Variants in CNTN5 observed in about 807,000 individuals in gnomAD.
CNTN5 encodes the protein contactin-5.
A neutral mutation model predicts 129.1 loss-of-function variants in CNTN5; 77 were observed. The ratio of observed to expected loss-of-function variants is 0.60; its 90% CI spans 0.50 to 0.72. The LOEUF is 0.72. Among genes scored for constraint, CNTN5 ranks in the 30% least tolerant of loss-of-function variants. The pLI is 0.00. For missense variants in CNTN5, 1,478 were observed against 1,328.8 expected (o/e 1.11, Z -1.75); for synonymous variants, 509 against 465.6 (o/e 1.09, Z -1.20).
chr11:99,248,542 C>G (rs972668174), intron 1 of CNTN5, among the ~76,000 whole-genome samples: 32 of 152,118 alleles, frequency 2.1e-4, no homozygotes, highest in African/African-American at 7.5e-4. Flanking sequence ...TTGCCCATGC[C>G]TATGTCCTGA....
chr11:100,060,948 T>G (rs1279598745), intron 9 of CNTN5, among the ~76,000 whole-genome samples: 1 of 117,082 alleles, frequency 8.5e-6, no homozygotes, highest in African/African-American at 3.4e-5. Context: ...GCTAACAATG[T>G]TTTTAAAAAT....
intron 13 of CNTN5, among the ~76,000 whole-genome samples, chr11:100,112,515 A>G (rs979703973): frequency 6.6e-5 from 10 of 152,150 alleles, no homozygotes; most frequent in African/African-American, 2.4e-4. Context: ...AGTTCCTTAT[A>G]AATTAGTCTG....
intron 3 of CNTN5, among the ~76,000 whole-genome samples, chr11:99,792,538 G>GGTGTGTGTGTGTGT (rs111267307): frequency 2.5e-4 from 32 of 127,820 alleles, no homozygotes; most frequent in Middle Eastern, 4.1e-3. Context: ...CCTGAAGAGG[G>GGTGTGTGTGTGTGT]GTGTGTGTGT....
chr11:99,025,704 A>G (rs1233114730), intron 1 of CNTN5, among the ~76,000 whole-genome samples: 1 of 151,766 alleles, frequency 6.6e-6, no homozygotes, highest in Non-Finnish European at 1.5e-5. Flanking sequence ...AACCAGGTCT[A>G]TTAATGTATT....
intron 3 of CNTN5, among the ~76,000 whole-genome samples, chr11:99,756,692 T>C (rs1305795119): frequency 2.6e-5 from 4 of 152,082 alleles, no homozygotes; most frequent in Non-Finnish European, 5.9e-5. Flanking sequence ...ATTTAAACTT[T>C]ACAATTTTGC....
intron 2 of CNTN5, among the ~76,000 whole-genome samples, chr11:99,497,357 C>G (rs961265002): frequency 6.6e-6 from 1 of 151,734 alleles, no homozygotes. Context: ...TGAGAACAGA[C>G]AAGGGAACAC....
In CNTN5 at chr11:99,753,119, C is replaced by CTTTTTTTTTTTTT. The variant is rs375324214; in HGVS notation, c.56-66416_56-66404dup. On this transcript the variant is annotated intron_variant, in intron 3 of 24. Coordinates refer to ENST00000524871, the MANE Select transcript of CNTN5 (RefSeq NM_014361.4). Reference sequence around the variant, plus strand: ...TTTATAACATTTTAAGCCATATTTGCTTTTTTTTTTTTTTTTTTTTTGAGA... The same window carrying CTTTTTTTTTTTTT: ...TTTATAACATTTTAAGCCATATTTGCTTTTTTTTTTTTTTTTTTTTTTTTTTTTTTTTTTGAGA... Among the ~76,000 whole-genome samples, 48 of 93,078 alleles carry CTTTTTTTTTTTTT rather than the reference C, an allele frequency of 5.2e-4. 2 individuals carry two copies. The highest frequency in any genetic ancestry group is 2.2e-3 in the East Asian group (6 of 2,692). The allele number at this position is 93,078 out of a possible 152,430, so 61.1% of individuals were successfully genotyped here.
chr11:99,787,953 T>A (rs1945595209), intron 3 of CNTN5, among the ~76,000 whole-genome samples: 1 of 151,968 alleles, frequency 6.6e-6, no homozygotes, highest in South Asian at 2.1e-4. Context: ...TATAATGCCA[T>A]TATAATTTCA....
intron 3 of CNTN5, among the ~76,000 whole-genome samples, chr11:99,689,077 G>T (rs1160867638): frequency 1.3e-5 from 2 of 152,062 alleles, no homozygotes; most frequent in Non-Finnish European, 2.9e-5. Context: ...ACACATGCAT[G>T]CATCTTTATA....
At chr11:100,339,695 A>G (rs13377477) in intron 21 of CNTN5, among the ~76,000 whole-genome samples, 43,600 of 152,016 alleles carry the variant, frequency 0.29, 6,580 homozygotes, top group Non-Finnish European at 0.31. Flanking sequence ...TCCTCTATCA[A>G]CAGTAAGGAA....
rs1164849935 is a variant in CNTN5, at chr11:100,002,043, G to A, written c.887G>A (p.Gly296Glu). Reference protein sequence around the residue: ...PLTLRNDGVMGEYEPKIEVHF... With the variant: ...PLTLRNDGVMEEYEPKIEVHF... ...ATTCTTTCTTTCTAAGGTGTGATGGGAGAATATGAGCCGAAAATTGAGGTC... is the reference window on the plus strand; with the variant it reads ...ATTCTTTCTTTCTAAGGTGTGATGGAAGAATATGAGCCGAAAATTGAGGTC... Residue 296 changes from glycine to glutamate, a missense_variant, in exon 9 of 25, where the codon GGA (glycine) becomes GAA (glutamate). Physicochemically the swap from Gly to Glu is moderately conservative, Grantham distance 98. Coordinates refer to ENST00000524871, the MANE Select transcript of CNTN5 (RefSeq NM_014361.4). 2.5e-6 allele frequency: 4 copies of A among 1,590,832 alleles called. No individual in the cohort carries two copies. Among genetic ancestry groups the A allele is most frequent in the Admixed American group, 3.7e-5 (2 of 54,610 alleles).
chr11:99,882,021 A>C (rs1305047284), intron 6 of CNTN5, among the ~76,000 whole-genome samples: 2 of 152,200 alleles, frequency 1.3e-5, no homozygotes, highest in African/African-American at 4.8e-5. Flanking sequence ...AAGCTCAGAT[A>C]GTGTAGTTTA....
At chr11:100,009,620 T>C (rs770566) in intron 9 of CNTN5, among the ~76,000 whole-genome samples, 39,286 of 151,950 alleles carry the variant, frequency 0.26, 5,946 homozygotes, top group South Asian at 0.34. Flanking sequence ...TTGGGTGTAA[T>C]GTAGAAGTTC....
Position 99,350,128 on chromosome 11 carries a change from AAC to A in CNTN5, c.-71+24647_-71+24648del, listed in dbSNP as rs757348825. 3.8e-4 allele frequency among the ~76,000 whole-genome samples: 58 copies of A among 152,286 alleles called. 1 individual carries two copies. Among genetic ancestry groups the A allele is most frequent in the South Asian group, 1.7e-3 (8 of 4,826 alleles). On this transcript the variant is annotated intron_variant, in intron 2 of 24. Coordinates refer to ENST00000524871, the MANE Select transcript of CNTN5 (RefSeq NM_014361.4). ...AGTTATAATTAGGAGTTTTATTTTT[AAC>A]ACTAAAACACCTTTAACTACAATGT...
intron 24 of CNTN5, among the ~76,000 whole-genome samples, chr11:100,354,038 T>G (rs1565447551): frequency 6.6e-6 from 1 of 151,504 alleles, no homozygotes. Context: ...TTAAGAGAGA[T>G]AATACACGAG....
At chr11:99,408,203 T>A (rs527298977) in intron 2 of CNTN5, among the ~76,000 whole-genome samples, 11 of 151,588 alleles carry the variant, frequency 7.3e-5, no homozygotes, top group Admixed American at 5.3e-4. Context: ...GCTTCTTTTT[T>A]AAAAAGTATC....
At chr11:100,354,237 T>C (rs780388589) in intron 24 of CNTN5, among the ~76,000 whole-genome samples, 5 of 151,660 alleles carry the variant, frequency 3.3e-5, no homozygotes, top group Non-Finnish European at 7.4e-5. Context: ...ATTTATTAAA[T>C]AATCAATTAT....
intron 6 of CNTN5, among the ~76,000 whole-genome samples, chr11:99,879,298 A>G (rs1408887529): frequency 1.3e-5 from 2 of 152,184 alleles, no homozygotes; most frequent in African/African-American, 4.8e-5. Context: ...ATCAAAGAGT[A>G]AGGGAAGCCT....
At chr11:100,246,445 T>TC (rs1949842856) in intron 16 of CNTN5, among the ~76,000 whole-genome samples, 1 of 152,146 alleles carries the variant, frequency 6.6e-6, no homozygotes, top group Non-Finnish European at 1.5e-5. Context: ...ATAAACATTT[T>TC]CTAGGCATCT....
Sources: gnomAD v4.1 joint callset for allele counts (sites outside exome capture counted in the v4.1 genomes callset) on GRCh38, gnomAD v4.1.1 for gene constraint, MANE v1.5 for transcripts, NCBI Gene and HGNC (gene_info 2026-07-23, HGNC 2026-07-21) for gene names.